TMCC2: variants seen among roughly 807,000 people sequenced by gnomAD.
The protein encoded by TMCC2 is transmembrane and coiled-coil domain family 2.
Under a neutral mutation model 49.4 loss-of-function variants are expected in TMCC2, and 16 were observed. The ratio of observed to expected loss-of-function variants is 0.32; its 90% CI spans 0.22 to 0.49. TMCC2 has a LOEUF of 0.49. Among genes scored for constraint, TMCC2 ranks in the 20% least tolerant of loss-of-function variants. The pLI is 0.99. For synonymous variants in TMCC2, 397 were observed against 434.1 expected, an observed-to-expected ratio of 0.91 and a Z score of 1.06; for missense variants, 762 against 989.8, an observed-to-expected ratio of 0.77 and a Z score of 3.09.
chr1:205,228,818 C>T (rs1023431749), intron 1 of TMCC2, 47 bp downstream of exon 1: 8 of 1,540,366 alleles, frequency 5.2e-6, no homozygotes, highest in Non-Finnish European at 5.3e-6. Flanking sequence ...CGACTTAGCT[C>T]TCGCCACCCC....
chr1:205,246,067 A>G (rs1660439975), intron 2 of TMCC2, among the ~76,000 whole-genome samples: 1 of 151,998 alleles, frequency 6.6e-6, no homozygotes, highest in Admixed American at 6.6e-5. Flanking sequence ...TGAGCAGGGC[A>G]TCTGGTTCAG....
At chr1:205,261,768 T>C (rs1661126042) in intron 2 of TMCC2, among the ~76,000 whole-genome samples, 1 of 152,208 alleles carries the variant, frequency 6.6e-6, no homozygotes, top group African/African-American at 2.4e-5. Flanking sequence ...CTTTATGCCC[T>C]TTACTCAGTG....
At chr1:205,268,924 C>T in intron 2 of TMCC2, 26 bp from the exon 3 acceptor site, 2 of 1,605,516 alleles carry the variant, frequency 1.2e-6, no homozygotes, top group Non-Finnish European at 1.7e-6. Context: ...TTTACCCATG[C>T]TTCCTCTGCC....
chr1:205,254,133 G>A (rs1235653115), intron 2 of TMCC2, among the ~76,000 whole-genome samples: 1 of 152,170 alleles, frequency 6.6e-6, no homozygotes, highest in East Asian at 1.9e-4. Flanking sequence ...CATGGAAGCC[G>A]CACAGCTAGC....
intron 2 of TMCC2, chr1:205,246,420 T>A: frequency 1.7e-6 from 2 of 1,208,094 alleles, no homozygotes; most frequent in African/African-American, 1.6e-5. Flanking sequence ...GAGTCTGGAG[T>A]TCTGGGGAGA....
chr1:205,254,982 C>G (rs950901302), intron 2 of TMCC2, among the ~76,000 whole-genome samples: 2 of 152,102 alleles, frequency 1.3e-5, no homozygotes, highest in African/African-American at 4.8e-5. Flanking sequence ...GAGGCCAAGG[C>G]AGGTGGATCG....
rs150273908 is a variant in TMCC2 at position 205,241,914 on chromosome 1, G to T, written c.617G>T (p.Ser206Ile). The change falls in exon 2 of 5, where the codon AGC (serine) becomes ATC (isoleucine). Residue 206 changes from serine to isoleucine, a missense_variant. Coordinates refer to ENST00000358024, the MANE Select transcript of TMCC2 (RefSeq NM_014858.4). This position sits in a 1 kb window ranked among gnomAD's most constrained non-coding sequence, Gnocchi z 7.3. The part of the protein sequence containing the change: ...HLLRKAPQDS[S>I]LAAILHQHQC... The stretch of plus-strand genomic sequence containing the variant: ...CTGCGCAAGGCCCCCCAGGACAGCA[G>T]CCTGGCCGCCATCCTGCACCAGCAC... 58 of 1,610,074 alleles carry T rather than the reference G, an allele frequency of 3.6e-5. No individual in the cohort carries two copies. Among genetic ancestry groups the T allele is most frequent in the Non-Finnish European group, 4.8e-5 (57 of 1,179,456 alleles).
intron 2 of TMCC2, among the ~76,000 whole-genome samples, chr1:205,255,461 A>G (rs899429040): frequency 6.6e-6 from 1 of 152,180 alleles, no homozygotes; most frequent in South Asian, 2.1e-4. Flanking sequence ...AGACTGAAGC[A>G]GGAGAATCGG....
At chr1:205,257,308 G>T (rs966226264) in intron 2 of TMCC2, 1 of 1,232,160 alleles carries the variant, frequency 8.1e-7, no homozygotes, top group Admixed American at 4.2e-5. Flanking sequence ...GACAGCTGGG[G>T]CCTCAGAGCC....
At chr1:205,250,850 G>A (rs989770031) in intron 2 of TMCC2, among the ~76,000 whole-genome samples, 54 of 152,312 alleles carry the variant, frequency 3.5e-4, no homozygotes, top group African/African-American at 1.3e-3. Flanking sequence ...GCTGGTAGCA[G>A]TCAGCAAGAG....
At chr1:205,232,696 A>T (rs1659847718) in intron 1 of TMCC2, among the ~76,000 whole-genome samples, 1 of 152,136 alleles carries the variant, frequency 6.6e-6, no homozygotes, top group East Asian at 1.9e-4. Context: ...GCACTTTGGT[A>T]GGCCGAGGTT....
At chr1:205,257,075 G>T in intron 2 of TMCC2, 2 of 1,007,576 alleles carry the variant, frequency 2.0e-6, no homozygotes, top group East Asian at 3.5e-5. Flanking sequence ...ATCAGAGCTC[G>T]GTCCTCCCGC....
chr1:205,271,289 G>A lies in TMCC2; in HGVS notation c.1818+34G>A, dbSNP rs771945445. ...AGGGCAACCTTGGGAGGCCCCAGAT[G>A]TGCTGGTAGAGCTGGCAGCAGCCAG... is the stretch of plus-strand genomic sequence containing the variant. On this transcript the variant is annotated intron_variant, in intron 4 of 4. Coordinates refer to ENST00000358024, the MANE Select transcript of TMCC2 (RefSeq NM_014858.4). The A allele has an allele frequency of 3.1e-6, 5 of 1,613,712 alleles. No individual in the cohort carries two copies. The East Asian group carries it at 6.7e-5, about 22-fold the overall frequency.
At chr1:205,271,758 C>A in intron 4 of TMCC2, 55 bp from the exon 5 acceptor site, 1 of 1,570,232 alleles carries the variant, frequency 6.4e-7, no homozygotes, top group Non-Finnish European at 8.6e-7. Context: ...AGGTTTTCAG[C>A]CTAGGGGTCC....
chr1:205,249,260 T>C (rs1009136650), intron 2 of TMCC2, among the ~76,000 whole-genome samples: 3 of 152,234 alleles, frequency 2.0e-5, no homozygotes, highest in African/African-American at 4.8e-5. Context: ...CTGAATGCCC[T>C]GTGCTCTCCG....
intron 2 of TMCC2, among the ~76,000 whole-genome samples, chr1:205,242,410 T>C (rs935049982): frequency 5.9e-5 from 9 of 152,196 alleles, no homozygotes; most frequent in African/African-American, 1.9e-4. Flanking sequence ...CTCTTTGTGC[T>C]TGTTTCACCA....
At chr1:205,230,539 G>A (rs1558639421) in intron 1 of TMCC2, among the ~76,000 whole-genome samples, 1 of 152,194 alleles carries the variant, frequency 6.6e-6, no homozygotes, top group Non-Finnish European at 1.5e-5. Flanking sequence ...GAGGAGGCTA[G>A]CCTTCTGCTG....
chr1:205,230,996 AT>A (rs1246023873), intron 1 of TMCC2, among the ~76,000 whole-genome samples: 7 of 2,880 alleles, frequency 2.4e-3, no homozygotes, highest in East Asian at 0.017. Context: ...CCATCCCCCC[AT>A]CCCCCCCCCC....
At chr1:205,267,559 C>G (rs1661393394) in intron 2 of TMCC2, among the ~76,000 whole-genome samples, 1 of 152,124 alleles carries the variant, frequency 6.6e-6, no homozygotes. Flanking sequence ...CGATAAGACA[C>G]TGGGGACTCA....
Sources: gnomAD v4.1 joint callset for allele counts (sites outside exome capture counted in the v4.1 genomes callset) on GRCh38, gnomAD v4.1.1 for gene constraint, Gnocchi (gnomAD v3.1) non-coding constraint, MANE v1.5 for transcripts, NCBI Gene and HGNC (gene_info 2026-07-23, HGNC 2026-07-21) for gene names.